Variants in PAPPA observed in about 807,000 individuals in gnomAD.
PAPPA encodes pappalysin 1, also known as pappalysin-1.
A neutral mutation model predicts 164.0 loss-of-function variants in PAPPA; 60 were observed. The ratio of observed to expected loss-of-function variants is 0.37; its 90% CI spans 0.30 to 0.45. PAPPA has a LOEUF of 0.45. Among genes scored for constraint, PAPPA ranks in the 20% least tolerant of loss-of-function variants. The pLI, the probability that PAPPA is intolerant of heterozygous loss-of-function variation, is 1.00. For synonymous variants in PAPPA, 875 were observed against 814.1 expected (o/e 1.07, Z -1.27); for missense variants, 1,782 against 2,087.3 (o/e 0.85, Z 2.85).
rs530762712 is a variant in PAPPA at position 116,286,187 on chromosome 9, C to T, written c.2953+14771C>T. On this transcript the variant is annotated intron_variant, in intron 9 of 21. Transcript: ENST00000328252. ...AAATGCTGCCTTTCCTTCTCTATCT[C>T]TATACTGACAGAGGTCATTACTCTT... The T allele has an allele frequency of 2.6e-5, 4 of 152,280 alleles. No individual in the cohort carries two copies. In the South Asian group the frequency reaches 8.3e-4, roughly 32 times the overall value. 9.4% of individuals were successfully genotyped at this position (152,280 alleles called of 1,614,324 possible).
chr9:116,167,921 A>T (rs1843734197), intron 1 of PAPPA, among the ~76,000 whole-genome samples: 1 of 152,188 alleles, frequency 6.6e-6, no homozygotes. Context: ...AGATCCATGG[A>T]TGTTTACCTG....
intron 1 of PAPPA, among the ~76,000 whole-genome samples, chr9:116,156,275 C>T (rs1409954167): frequency 6.6e-5 from 9 of 135,582 alleles, no homozygotes; most frequent in South Asian, 2.3e-4. Context: ...TACATAAATA[C>T]GTGTGTGTGT....
chr9:116,386,899 A>G (rs948831882), intron 21 of PAPPA, among the ~76,000 whole-genome samples: 1 of 152,066 alleles, frequency 6.6e-6, no homozygotes, highest in African/African-American at 2.4e-5. Flanking sequence ...AGAACAGAAG[A>G]AAGTTCTGGT....
chr9:116,166,606 C>T (rs1843722603), intron 1 of PAPPA, among the ~76,000 whole-genome samples: 1 of 152,176 alleles, frequency 6.6e-6, no homozygotes, highest in Non-Finnish European at 1.5e-5. Flanking sequence ...GGAGAGAAGA[C>T]ACATTCTCAG....
intron 1 of PAPPA, among the ~76,000 whole-genome samples, chr9:116,170,602 T>A (rs944890971): frequency 9.3e-5 from 14 of 150,948 alleles, no homozygotes; most frequent in African/African-American, 3.4e-4. Context: ...CCTTTCTTCC[T>A]TCCTCCCTAC....
At chr9:116,160,196 G>A (rs930847109) in intron 1 of PAPPA, among the ~76,000 whole-genome samples, 1 of 152,190 alleles carries the variant, frequency 6.6e-6, no homozygotes, top group Non-Finnish European at 1.5e-5. Context: ...TACTGAGCTG[G>A]GTAGTAGCTA....
At chr9:116,380,596 A>ATTGT (rs371885823) in intron 20 of PAPPA, among the ~76,000 whole-genome samples, 174 of 152,280 alleles carry the variant, frequency 1.1e-3, no homozygotes, top group African/African-American at 4.2e-3. Flanking sequence ...GAAAGGGTTT[A>ATTGT]TTGTTTGTTG....
intron 21 of PAPPA, among the ~76,000 whole-genome samples, 156 bp from the exon 22 acceptor site, chr9:116,396,353 G>A (rs1002339570): frequency 1.3e-5 from 2 of 152,178 alleles, no homozygotes; most frequent in South Asian, 2.1e-4. Flanking sequence ...TGGTGTGCTC[G>A]ATAAAAGTTA....
intron 4 of PAPPA, among the ~76,000 whole-genome samples, 157 bp from the exon 5 acceptor site, chr9:116,219,780 C>T (rs1014195785): frequency 2.0e-5 from 3 of 152,204 alleles, no homozygotes; most frequent in African/African-American, 7.2e-5. Flanking sequence ...AATTTGTTCA[C>T]AGGCCATTAA....
At chr9:116,320,012 C>A (rs973796732) in intron 10 of PAPPA, among the ~76,000 whole-genome samples, 2 of 152,148 alleles carry the variant, frequency 1.3e-5, no homozygotes, top group Non-Finnish European at 2.9e-5. Flanking sequence ...AAATCCTGAA[C>A]CTGTGTGTAT....
intron 1 of PAPPA, among the ~76,000 whole-genome samples, chr9:116,166,447 A>T (rs756550325): frequency 1.3e-5 from 2 of 152,142 alleles, no homozygotes; most frequent in Non-Finnish European, 2.9e-5. Flanking sequence ...GTGTCCTGGC[A>T]GTCATATCTG....
intron 1 of PAPPA, among the ~76,000 whole-genome samples, chr9:116,182,593 A>G (rs1041308688): frequency 1.3e-5 from 2 of 152,228 alleles, no homozygotes; most frequent in African/African-American, 4.8e-5. Context: ...GTATTCTCCC[A>G]CACTCTGTAC....
intron 7 of PAPPA, among the ~76,000 whole-genome samples, chr9:116,255,708 T>C (rs772551561): frequency 5.3e-5 from 8 of 151,898 alleles, no homozygotes; most frequent in Non-Finnish European, 7.4e-5. Flanking sequence ...GGTAGTGTAT[T>C]GGGACTAACA....
At chr9:116,350,573 T>C (rs73516133) in intron 15 of PAPPA, among the ~76,000 whole-genome samples, 4,869 of 152,304 alleles carry the variant, frequency 0.032, 255 homozygotes, top group African/African-American at 0.11. Flanking sequence ...CGACTTTCAC[T>C]TCATAATTTA....
intron 8 of PAPPA, among the ~76,000 whole-genome samples, chr9:116,268,086 CA>C (rs1434847565): frequency 1.6e-4 from 25 of 151,924 alleles, no homozygotes; most frequent in African/African-American, 5.6e-4. Flanking sequence ...TCTGAATTGT[CA>C]AAATGTTTAA....
intron 9 of PAPPA, among the ~76,000 whole-genome samples, chr9:116,277,669 AT>A (rs1230153199): frequency 1.3e-5 from 2 of 152,046 alleles, no homozygotes; most frequent in Non-Finnish European, 2.9e-5. Flanking sequence ...TTAATATTTT[AT>A]TTTTTATTTT....
At chr9:116,267,417 T>C (rs1845080382) in intron 8 of PAPPA, among the ~76,000 whole-genome samples, 1 of 152,212 alleles carries the variant, frequency 6.6e-6, no homozygotes, top group Non-Finnish European at 1.5e-5. Flanking sequence ...TTAAAGGCAA[T>C]AGAAATATTG....
chr9:116,326,945 T>A (rs972462882), intron 10 of PAPPA, among the ~76,000 whole-genome samples: 1 of 152,220 alleles, frequency 6.6e-6, no homozygotes, highest in African/African-American at 2.4e-5. Context: ...AATATTCCAT[T>A]GTGTGTATAT....
At chr9:116,288,922 C>T (rs1368264571) in intron 9 of PAPPA, 1 of 151,860 alleles carries the variant, frequency 6.6e-6, no homozygotes, top group East Asian at 1.9e-4. Context: ...CTGCGGTCAC[C>T]TTAGTCACAA....
Sources: allele counts gnomAD v4.1 joint callset (sites outside exome capture counted in the v4.1 genomes callset), GRCh38; gene constraint gnomAD v4.1.1; transcripts MANE v1.5; gene names NCBI Gene and HGNC (gene_info 2026-07-23, HGNC 2026-07-21).